Variants in DPM1 observed in about 807,000 individuals in gnomAD.
DPM1 encodes dolichyl-phosphate mannosyltransferase subunit 1, catalytic.
DPM1 carries 27 observed loss-of-function variants against 39.0 expected under a neutral mutation model. That is an observed-to-expected ratio of 0.69 (90% confidence interval 0.51 to 0.95). The LOEUF (loss-of-function observed/expected upper bound fraction) is 0.95. Among genes scored for constraint, DPM1 ranks in the 40% least tolerant of loss-of-function variants. DPM1 has a pLI of 0.00. For missense variants in DPM1, 307 were observed against 315.6 expected (o/e 0.97, Z 0.21); for synonymous variants, 124 against 109.0 (o/e 1.14, Z -0.86).
chr20:50,944,714 G>A (rs1431664993), intron 5 of DPM1: 1 of 152,200 alleles, frequency 6.6e-6, no homozygotes, highest in African/African-American at 2.4e-5. Context: ...ACTCAGAACA[G>A]CTTCCAAAAT....
chr20:50,934,973 T>C lies in DPM1; in HGVS notation c.*159A>G, dbSNP rs775290919. The C allele has an allele frequency of 4.8e-5, 27 of 562,510 alleles. No homozygotes were observed. The highest frequency in any genetic ancestry group is 8.0e-5 in the Non-Finnish European group (25 of 314,194). The allele number at this position is 562,510 out of a possible 1,614,324, so 34.8% of individuals were successfully genotyped here. On this transcript the variant is annotated 3_prime_UTR_variant, in exon 9 of 9. Transcript: ENST00000371588. The stretch of plus-strand genomic sequence containing the variant: ...TTAGGCCAGCAACTTTAAAATTATT[T>C]AATTTGAAATATAAAATAGGTGGTC...
chr20:50,938,378 A>G (rs1568759545), intron 7 of DPM1, among the ~76,000 whole-genome samples: 2 of 151,088 alleles, frequency 1.3e-5, no homozygotes, highest in African/African-American at 4.9e-5. Context: ...AGATTTAACT[A>G]TTAAAAAAAA....
chr20:50,957,327 T>A (rs906948529), intron 1 of DPM1, among the ~76,000 whole-genome samples: 5 of 152,194 alleles, frequency 3.3e-5, no homozygotes, highest in Admixed American at 6.5e-5. Context: ...TTTTTTTTCT[T>A]TAGAGCAATT....
At chr20:50,949,479 T>C (rs1214805521) in intron 2 of DPM1, among the ~76,000 whole-genome samples, 1 of 152,226 alleles carries the variant, frequency 6.6e-6, no homozygotes, top group Non-Finnish European at 1.5e-5. Context: ...AATTAAATTC[T>C]TTCTCTTTTC....
At chr20:50,942,872 G>A (rs563505163) in intron 5 of DPM1, among the ~76,000 whole-genome samples, 4 of 152,232 alleles carry the variant, frequency 2.6e-5, no homozygotes, top group South Asian at 2.1e-4. Flanking sequence ...CCTGGTTTCT[G>A]TCAGTTAACA....
chr20:50,936,317 A>G, intron 7 of DPM1, 55 bp from the exon 8 acceptor site: 1 of 1,189,598 alleles, frequency 8.4e-7, no homozygotes, highest in Non-Finnish European at 1.2e-6. Context: ...ATGCCTATGT[A>G]TCCTGACCTT....
At chr20:50,951,001 C>CT (rs1185285538) in intron 2 of DPM1, among the ~76,000 whole-genome samples, 1 of 152,202 alleles carries the variant, frequency 6.6e-6, no homozygotes, top group East Asian at 1.9e-4. Context: ...CTTATATATA[C>CT]TTTTTCTTAT....
In DPM1 at chr20:50,958,140, TGA is replaced by T. The variant is rs1171753115; in HGVS notation, c.161+221_161+222del. 3.3e-5 allele frequency among the ~76,000 whole-genome samples: 5 copies of T among 152,174 alleles called. No homozygotes were observed. In the East Asian group the frequency reaches 7.7e-4, roughly 24 times the overall value. ...GGGAGTACTACATAATAAAGATAAA[TGA>T]GAGTCTCACAAAACCCAAGGGCAGG... On this transcript the variant is annotated intron_variant, in intron 1 of 8. Coordinates refer to ENST00000371588, the MANE Select transcript of DPM1 (RefSeq NM_003859.3).
At position 50,948,651 on chromosome 20, in the gene DPM1, T is replaced by A. The variant is rs766462970; in HGVS notation, c.273A>T (p.Pro91=). The change falls in exon 3 of 9, where the codon CCA becomes CCT. Residue 91 remains proline, a synonymous_variant. Coordinates refer to ENST00000371588, the MANE Select transcript of DPM1 (RefSeq NM_003859.3). ...TACCTAGTCCCAACTTTTTCTCTCG[T>A]GGTCTTAGAAGCTGTAGGAATAAGA... is the stretch of plus-strand genomic sequence containing the variant. ...IYGSDRILLR[P]REKKLGLGTA... 1 of 1,613,982 alleles carries A rather than the reference T, an allele frequency of 6.2e-7. No homozygotes were observed. Among genetic ancestry groups the A allele is most frequent in the Admixed American group, 1.7e-5 (1 of 60,024 alleles).
intron 7 of DPM1, among the ~76,000 whole-genome samples, 156 bp from the exon 8 acceptor site, chr20:50,936,418 T>A (rs1174186917): frequency 6.6e-6 from 1 of 152,222 alleles, no homozygotes; most frequent in Non-Finnish European, 1.5e-5. Context: ...TATGATACAT[T>A]TGTCCTAAGC....
intron 7 of DPM1, among the ~76,000 whole-genome samples, chr20:50,939,358 CTTTTTTGTTT>C (rs1001059818): frequency 4.8e-4 from 73 of 152,086 alleles, no homozygotes; most frequent in African/African-American, 1.5e-3. Flanking sequence ...AATCAGAGAT[CTTTTTTGTTT>C]TTTTTTGTTT....
chr20:50,944,759 A>C (rs983623648), intron 5 of DPM1: 38 of 152,258 alleles, frequency 2.5e-4, no homozygotes, highest in African/African-American at 8.9e-4. Context: ...TTTTGGGCTA[A>C]GAATTTAATT....
At chr20:50,948,605 G>C in intron 3 of DPM1, 24 bp downstream of exon 3, 1 of 1,612,032 alleles carries the variant, frequency 6.2e-7, no homozygotes, top group Non-Finnish European at 8.5e-7. Context: ...GCAGGTGTGA[G>C]GGGTTAGAGA....
intron 1 of DPM1, among the ~76,000 whole-genome samples, chr20:50,957,309 G>C (rs1986878738): frequency 6.6e-6 from 1 of 152,140 alleles, no homozygotes; most frequent in African/African-American, 2.4e-5. Context: ...GTCCAAACTT[G>C]TACAACCTTT....
intron 1 of DPM1, among the ~76,000 whole-genome samples, chr20:50,955,593 TG>T (rs1180522476): frequency 1.3e-5 from 2 of 152,196 alleles, no homozygotes; most frequent in Non-Finnish European, 2.9e-5. Flanking sequence ...TGTTTTGAGA[TG>T]GAGTCTTGCT....
At chr20:50,957,527 T>C (rs1243944504) in intron 1 of DPM1, among the ~76,000 whole-genome samples, 1 of 152,212 alleles carries the variant, frequency 6.6e-6, no homozygotes, top group Non-Finnish European at 1.5e-5. Context: ...AAAGTCCTTG[T>C]TCTCATCGAC....
chr20:50,947,441 A>C (rs1432034663), intron 3 of DPM1, among the ~76,000 whole-genome samples: 12 of 152,298 alleles, frequency 7.9e-5, no homozygotes, highest in Admixed American at 7.2e-4. Flanking sequence ...AATCCCAAAG[A>C]ATCTTCTGGG....
chr20:50,957,003 A>C (rs903099923), intron 1 of DPM1, among the ~76,000 whole-genome samples: 1 of 152,228 alleles, frequency 6.6e-6, no homozygotes, highest in African/African-American at 2.4e-5. Context: ...TGTACTACAT[A>C]AAAAAATTAA....
At position 50,935,250 on chromosome 20, in the gene DPM1, A is replaced by G; in HGVS notation, c.679-14T>C. The G allele has an allele frequency of 6.4e-7, 1 of 1,554,430 alleles. No individual in the cohort carries two copies. The highest frequency in any genetic ancestry group is 8.9e-7 in the Non-Finnish European group (1 of 1,127,016). ...TGATATTGGAACCTAGTTTAAAAAA[A>G]AAAAAGTAACGTTAGTCTTTAAAAA... On this transcript the variant is annotated splice_polypyrimidine_tract_variant and intron_variant, in intron 8 of 8. Transcript: ENST00000371588.
Sources: allele counts gnomAD v4.1 joint callset (sites outside exome capture counted in the v4.1 genomes callset), GRCh38; gene constraint gnomAD v4.1.1; transcripts MANE v1.5; gene names NCBI Gene and HGNC (gene_info 2026-07-23, HGNC 2026-07-21).